TMEM132D: variants seen among roughly 807,000 people sequenced by gnomAD.
TMEM132D encodes mature OL transmembrane protein.
In TMEM132D, 21 loss-of-function variants were observed where a neutral mutation model predicts 62.3. The observed-to-expected ratio is 0.34, with a 90% confidence interval of 0.24 to 0.49. The LOEUF is 0.49. TMEM132D is among the 20% of genes least tolerant of loss of function. The pLI, the probability that TMEM132D is intolerant of heterozygous loss-of-function variation, is 0.99. For synonymous variants in TMEM132D, 621 were observed against 575.6 expected (o/e 1.08, Z -1.13); for missense variants, 1,346 against 1,402.8 (o/e 0.96, Z 0.65).
At chr12:129,690,550 AT>A (rs1241497144) in intron 2 of TMEM132D, among the ~76,000 whole-genome samples, 1 of 152,180 alleles carries the variant, frequency 6.6e-6, no homozygotes, top group African/African-American at 2.4e-5. Context: ...ATTTACATAA[AT>A]TCCAGACAAA....
intron 2 of TMEM132D, among the ~76,000 whole-genome samples, chr12:129,559,995 A>G (rs1877169859): frequency 6.6e-6 from 1 of 152,174 alleles, no homozygotes; most frequent in African/African-American, 2.4e-5. Flanking sequence ...ATGGAAAACC[A>G]ACAGCTGTTG....
intron 5 of TMEM132D, among the ~76,000 whole-genome samples, chr12:129,161,995 T>C (rs1292296748): frequency 6.6e-6 from 1 of 152,182 alleles, no homozygotes; most frequent in Non-Finnish European, 1.5e-5. Flanking sequence ...ACAATTTTGT[T>C]GGGAAACATG....
chr12:129,171,736 A>C (rs558529249), intron 5 of TMEM132D, among the ~76,000 whole-genome samples: 9 of 152,334 alleles, frequency 5.9e-5, no homozygotes, highest in African/African-American at 2.2e-4. Flanking sequence ...TTTGAAAGAA[A>C]TCTTTTCTTC....
At chr12:129,708,873 A>G (rs1289578010) in intron 1 of TMEM132D, among the ~76,000 whole-genome samples, 12 of 152,108 alleles carry the variant, frequency 7.9e-5, no homozygotes, top group Non-Finnish European at 1.8e-4. Flanking sequence ...GAGACAGTAC[A>G]TACCTAGATG....
chr12:129,478,630 G>A (rs944701683), intron 3 of TMEM132D, among the ~76,000 whole-genome samples: 1 of 152,196 alleles, frequency 6.6e-6, no homozygotes, highest in Non-Finnish European at 1.5e-5. Flanking sequence ...TCTTAGATTT[G>A]CTGAGAGAGA....
At chr12:129,862,900 C>T (rs1032850837) in intron 1 of TMEM132D, among the ~76,000 whole-genome samples, 2 of 151,926 alleles carry the variant, frequency 1.3e-5, no homozygotes, top group African/African-American at 4.8e-5. Flanking sequence ...AGCTCAGCCA[C>T]AGAACAGAAA....
rs59171881 is a variant in TMEM132D at position 129,636,792 on chromosome 12, A to G, written c.968+63018T>C. On this transcript the variant is annotated intron_variant, in intron 2 of 8. Coordinates refer to ENST00000422113, the MANE Select transcript of TMEM132D (RefSeq NM_133448.3). ...AAAGAAAGAGATATCAATTTGGTTCAAAAGACTGGTATGAACCTGACTGGT... is the reference window on the plus strand; with the variant it reads ...AAAGAAAGAGATATCAATTTGGTTCGAAAGACTGGTATGAACCTGACTGGT... Among the ~76,000 whole-genome samples the G allele has an allele frequency of 9.1e-3, 1,374 of 150,592 alleles. 16 individuals are homozygous for G. The highest frequency in any genetic ancestry group is 0.032 in the African/African-American group (1,305 of 41,110).
chr12:129,332,592 G>A (rs1009461088), intron 4 of TMEM132D, among the ~76,000 whole-genome samples: 2 of 152,104 alleles, frequency 1.3e-5, no homozygotes, highest in Non-Finnish European at 2.9e-5. Flanking sequence ...ACTTAGTTGT[G>A]CTGTGTGTGA....
At chr12:129,238,410 G>A (rs1199471286) in intron 4 of TMEM132D, among the ~76,000 whole-genome samples, 3 of 151,966 alleles carry the variant, frequency 2.0e-5, no homozygotes, top group East Asian at 1.9e-4. Context: ...TATTCACATC[G>A]TTGTGTAACC....
chr12:129,684,218 T>C (rs547585470), intron 2 of TMEM132D, among the ~76,000 whole-genome samples: 1 of 152,160 alleles, frequency 6.6e-6, no homozygotes, highest in Non-Finnish European at 1.5e-5. Context: ...ATAATCCCCA[T>C]GTATCATCAG....
intron 4 of TMEM132D, among the ~76,000 whole-genome samples, chr12:129,269,914 A>G (rs1381805423): frequency 2.6e-5 from 4 of 152,170 alleles, no homozygotes; most frequent in Non-Finnish European, 5.9e-5. Flanking sequence ...TAGCAATGCA[A>G]CCAAGGCGTC....
intron 4 of TMEM132D, among the ~76,000 whole-genome samples, chr12:129,271,501 T>C (rs973090566): frequency 6.6e-5 from 10 of 151,556 alleles, no homozygotes; most frequent in Admixed American, 5.3e-4. Context: ...CATCAACCCA[T>C]CATCTAGGTT....
chr12:129,884,234 T>A (rs1041001092), intron 1 of TMEM132D, among the ~76,000 whole-genome samples: 7 of 152,208 alleles, frequency 4.6e-5, no homozygotes, highest in African/African-American at 1.7e-4. Context: ...TATGGCAATA[T>A]CAGTTACATA....
At chr12:129,539,007 C>CGTTGGCTACTAGT in intron 2 of TMEM132D, among the ~76,000 whole-genome samples, 1 of 111,028 alleles carries the variant, frequency 9.0e-6, no homozygotes. Flanking sequence ...TCAGAAGGAG[C>CGTTGGCTACTAGT]GTCCTCTGCT....
In TMEM132D at chr12:129,581,618, T is replaced by C. The variant is rs960963976; in HGVS notation, c.969-50413A>G. ...GGAAGCATCCAGCATGGGAGAAAGA[T>C]GAGGTAGAAGACTCAGCAAGTTGGC... On this transcript the variant is annotated intron_variant, in intron 2 of 8. Transcript: ENST00000422113. Among the ~76,000 whole-genome samples, 17 of 152,304 alleles carry C rather than the reference T, an allele frequency of 1.1e-4. No individual in the cohort carries two copies. The Middle Eastern group carries it at 0.01, about 91-fold the overall frequency.
chr12:129,228,796 C>T (rs960132118), intron 4 of TMEM132D, among the ~76,000 whole-genome samples: 1 of 152,152 alleles, frequency 6.6e-6, no homozygotes, highest in Non-Finnish European at 1.5e-5. Context: ...AGTTAATCAA[C>T]TAGGGTTCCA....
chr12:129,302,659 C>T (rs1040885089), intron 4 of TMEM132D, among the ~76,000 whole-genome samples: 4 of 152,198 alleles, frequency 2.6e-5, no homozygotes, highest in Admixed American at 2.0e-4. Flanking sequence ...GACCAGCAGG[C>T]CACTGGAGCG....
intron 1 of TMEM132D, among the ~76,000 whole-genome samples, chr12:129,887,548 G>A (rs116355158): frequency 0.021 from 3,257 of 152,202 alleles, 121 homozygotes; most frequent in African/African-American, 0.075. Context: ...CCACTGCTGC[G>A]AAGTTCGGTT....
At chr12:129,148,617 G>T (rs1047829870) in intron 5 of TMEM132D, among the ~76,000 whole-genome samples, 1 of 152,174 alleles carries the variant, frequency 6.6e-6, no homozygotes, top group Non-Finnish European at 1.5e-5. Flanking sequence ...CCCATGTTTG[G>T]ACTTCTGACT....
Sources: allele counts gnomAD v4.1 joint callset (sites outside exome capture counted in the v4.1 genomes callset), GRCh38; gene constraint gnomAD v4.1.1; transcripts MANE v1.5; gene names NCBI Gene and HGNC (gene_info 2026-07-23, HGNC 2026-07-21).